Variants in DLG2 observed in about 807,000 individuals in gnomAD.
The protein encoded by DLG2 is disks large homolog 2.
A neutral mutation model predicts 132.5 loss-of-function variants in DLG2; 45 were observed. The observed-to-expected ratio is 0.34, with a 90% CI of 0.27 to 0.44. The LOEUF (loss-of-function observed/expected upper bound fraction) is 0.44, where lower values mean the gene tolerates loss of function less well. Ranked by LOEUF, DLG2 falls within the 20% of genes least tolerant of loss-of-function variation. DLG2 has a pLI of 1.00. For missense variants in DLG2, 1,045 were observed against 1,196.9 expected (o/e 0.87, Z 1.87); for synonymous variants, 424 against 419.6 (o/e 1.01, Z -0.13).
intron 27 of DLG2, among the ~76,000 whole-genome samples, chr11:83,461,324 C>T (rs922097169): frequency 6.6e-6 from 1 of 151,940 alleles, no homozygotes; most frequent in Non-Finnish European, 1.5e-5. Flanking sequence ...GTTTTTAAAC[C>T]TCCGGGAACC....
At chr11:83,925,564 C>A (rs1032802335) in intron 15 of DLG2, among the ~76,000 whole-genome samples, 1 of 151,932 alleles carries the variant, frequency 6.6e-6, no homozygotes, top group East Asian at 1.9e-4. Context: ...GAATCCCTAA[C>A]ATTAAGGATG....
At chr11:85,526,231 T>G (rs1367208950) in intron 3 of DLG2, among the ~76,000 whole-genome samples, 2 of 152,052 alleles carry the variant, frequency 1.3e-5, no homozygotes, top group Non-Finnish European at 2.9e-5. Flanking sequence ...TGAAGAAAAC[T>G]ATACAGAGCA....
At chr11:84,511,258 A>G (rs1038904336) in intron 7 of DLG2, among the ~76,000 whole-genome samples, 8 of 152,080 alleles carry the variant, frequency 5.3e-5, no homozygotes, top group African/African-American at 1.9e-4. Flanking sequence ...CTTAAGGTAC[A>G]GTAAAATGTT....
intron 18 of DLG2, among the ~76,000 whole-genome samples, chr11:83,673,547 T>C (rs1411225631): frequency 6.6e-6 from 1 of 152,322 alleles, no homozygotes; most frequent in Non-Finnish European, 1.5e-5. Flanking sequence ...TTGTTGATGG[T>C]AGAAGGCCCA....
At chr11:83,519,483 C>T (rs2095408834) in intron 21 of DLG2, among the ~76,000 whole-genome samples, 1 of 152,030 alleles carries the variant, frequency 6.6e-6, no homozygotes, top group African/African-American at 2.4e-5. Context: ...ATTTAGGTAA[C>T]ATCATTATAA....
At chr11:84,041,995 C>T (rs1253497397) in intron 11 of DLG2, among the ~76,000 whole-genome samples, 28 of 151,872 alleles carry the variant, frequency 1.8e-4, no homozygotes, top group Admixed American at 1.8e-3. Context: ...TTTCACCTTC[C>T]ACCATGATTG....
rs1469763565 is a variant in DLG2 at position 84,061,682 on chromosome 11, A to G, written c.750-2198T>C. ...AATTTTGTATCTGTTTTTGTGCATA[A>G]CTTTTCTATACCTGTTTAGTTATAG... On this transcript the variant is annotated intron_variant, in intron 10 of 27. Coordinates refer to ENST00000376104, the MANE Select transcript of DLG2 (RefSeq NM_001142699.3). 2.0e-5 allele frequency among the ~76,000 whole-genome samples: 3 copies of G among 152,260 alleles called. No individual in the cohort carries two copies. The East Asian group carries it at 5.8e-4, about 29-fold the overall frequency.
chr11:84,099,207 C>T (rs969921190), intron 9 of DLG2, among the ~76,000 whole-genome samples, 160 bp from the exon 10 acceptor site: 2 of 152,088 alleles, frequency 1.3e-5, no homozygotes, highest in African/African-American at 4.8e-5. Flanking sequence ...AAAGGAAGGT[C>T]AGGAAAAACA....
At chr11:85,091,712 G>A (rs1358378957) in intron 6 of DLG2, among the ~76,000 whole-genome samples, 2 of 152,124 alleles carry the variant, frequency 1.3e-5, no homozygotes, top group South Asian at 2.1e-4. Context: ...TTGCTCATCC[G>A]TAACAAGCAA....
intron 9 of DLG2, among the ~76,000 whole-genome samples, chr11:84,145,260 T>C (rs1596082499): frequency 6.6e-6 from 1 of 152,232 alleles, no homozygotes; most frequent in Non-Finnish European, 1.5e-5. Context: ...GACAGGGATA[T>C]GTTCTGAGAA....
chr11:85,185,734 T>G (rs1398736476), intron 4 of DLG2, among the ~76,000 whole-genome samples: 1 of 151,892 alleles, frequency 6.6e-6, no homozygotes. Context: ...CTAAGTGCCA[T>G]CATCCTCATC....
chr11:85,318,218 A>C (rs952291542), intron 3 of DLG2, among the ~76,000 whole-genome samples: 2 of 151,924 alleles, frequency 1.3e-5, no homozygotes, highest in African/African-American at 2.4e-5. Flanking sequence ...GCATCCCTAA[A>C]TGATCACTGA....
chr11:83,846,338 A>C (rs1172734653), intron 16 of DLG2, among the ~76,000 whole-genome samples: 2 of 152,202 alleles, frequency 1.3e-5, no homozygotes, highest in Admixed American at 6.5e-5. Flanking sequence ...CAACCTAAGG[A>C]ATTCACACTT....
intron 5 of DLG2, among the ~76,000 whole-genome samples, chr11:85,147,278 A>G (rs1424119029): frequency 6.6e-6 from 1 of 152,138 alleles, no homozygotes; most frequent in African/African-American, 2.4e-5. Flanking sequence ...GGAACGTTCT[A>G]TTCAGCCATC....
intron 22 of DLG2, chr11:83,480,758 T>TTGAC (rs2093038328): frequency 1.3e-6 from 1 of 749,656 alleles, no homozygotes; most frequent in African/African-American, 1.8e-5. Context: ...CTAGTATGTC[T>TTGAC]TGACTGAGTG....
intron 6 of DLG2, among the ~76,000 whole-genome samples, chr11:84,560,742 A>T (rs913375785): frequency 6.6e-6 from 1 of 152,064 alleles, no homozygotes; most frequent in Non-Finnish European, 1.5e-5. Flanking sequence ...TGGAGAGTTG[A>T]GGCAAGAAAA....
In DLG2 at chr11:84,381,655, T is replaced by C. The variant is rs1025940790; in HGVS notation, c.520-130364A>G. Reference sequence around the variant, plus strand: ...AAACATCTAACTGAATGACAGCTGATAGAAGTTCAATAAACTATTTCCTCC... The same window carrying C: ...AAACATCTAACTGAATGACAGCTGACAGAAGTTCAATAAACTATTTCCTCC... On this transcript the variant is annotated intron_variant, in intron 7 of 27. Transcript: ENST00000376104. Among the ~76,000 whole-genome samples the C allele has an allele frequency of 5.9e-5, 9 of 152,182 alleles. No individual in the cohort carries two copies. The South Asian group carries it at 8.3e-4, about 14-fold the overall frequency.
chr11:84,011,018 T>C (rs1046748546), intron 11 of DLG2, among the ~76,000 whole-genome samples: 2 of 152,170 alleles, frequency 1.3e-5, no homozygotes, highest in Non-Finnish European at 2.9e-5. Flanking sequence ...TCTTGTCTTA[T>C]AAGCTTTTAA....
intron 11 of DLG2, among the ~76,000 whole-genome samples, chr11:84,050,006 G>A (rs543874128): frequency 6.6e-6 from 1 of 151,674 alleles, no homozygotes; most frequent in East Asian, 1.9e-4. Context: ...TTTAAGAAAT[G>A]GTACACAGGG....
Sources: gnomAD v4.1 joint callset for allele counts (sites outside exome capture counted in the v4.1 genomes callset) on GRCh38, gnomAD v4.1.1 for gene constraint, MANE v1.5 for transcripts, NCBI Gene and HGNC (gene_info 2026-07-23, HGNC 2026-07-21) for gene names.